The following CACNA2D1 variants were observed in gnomAD, a reference collection of about 807,000 sequenced individuals.
The protein encoded by CACNA2D1 is calcium voltage-gated channel auxiliary subunit alpha2delta 1.
CACNA2D1 carries 53 observed loss-of-function variants against 171.5 expected under a neutral mutation model. The observed-to-expected ratio is 0.31, with a 90% CI of 0.25 to 0.39. The LOEUF (loss-of-function observed/expected upper bound fraction) is 0.39. Among genes scored for constraint, CACNA2D1 ranks in the 10% least tolerant of loss-of-function variants. The pLI, the probability that CACNA2D1 is intolerant of heterozygous loss-of-function variation, is 1.00. For missense variants in CACNA2D1, 903 were observed against 1,299.8 expected, an observed-to-expected ratio of 0.69 and a Z score of 4.69; for synonymous variants, 442 against 443.1, an observed-to-expected ratio of 1.00 and a Z score of 0.03.
intron 1 of CACNA2D1, among the ~76,000 whole-genome samples, chr7:82,389,738 C>A (rs912318405): frequency 3.3e-5 from 5 of 152,084 alleles, no homozygotes; most frequent in African/African-American, 2.4e-5. Context: ...TATTTAATTT[C>A]CTGGGTTATG....
chr7:81,977,432 C>T (rs1426814634), intron 24 of CACNA2D1, among the ~76,000 whole-genome samples: 10 of 151,896 alleles, frequency 6.6e-5, no homozygotes, highest in African/African-American at 1.9e-4. Context: ...TCAGAAATAA[C>T]GCCACACATC....
At chr7:81,967,788 CATT>C (rs2130376757) in intron 29 of CACNA2D1, 125 bp from the exon 30 acceptor site, 2 of 594,918 alleles carry the variant, frequency 3.4e-6, no homozygotes, top group South Asian at 4.2e-5. Flanking sequence ...GTTTTGTGTT[CATT>C]AAGAAATAAT....
At chr7:82,093,384 T>C (rs1044940036) in intron 6 of CACNA2D1, among the ~76,000 whole-genome samples, 3 of 152,192 alleles carry the variant, frequency 2.0e-5, no homozygotes, top group African/African-American at 7.2e-5. Flanking sequence ...ATTTAAAATA[T>C]ATTTTTAATT....
chr7:82,054,686 GA>G (rs1445169364), intron 10 of CACNA2D1, among the ~76,000 whole-genome samples: 1 of 152,120 alleles, frequency 6.6e-6, no homozygotes, highest in Admixed American at 6.5e-5. Context: ...CAGACCTTCA[GA>G]ATGGGATTCC....
chr7:82,047,498 T>C (rs1804686492), intron 10 of CACNA2D1, among the ~76,000 whole-genome samples: 1 of 152,158 alleles, frequency 6.6e-6, no homozygotes, highest in South Asian at 2.1e-4. Context: ...AGAGCAGAGA[T>C]ACTACAATAC....
chr7:82,012,329 A>G, intron 14 of CACNA2D1, 86 bp from the exon 15 acceptor site: 1 of 756,464 alleles, frequency 1.3e-6, no homozygotes, highest in Non-Finnish European at 2.3e-6. Flanking sequence ...AATATTCTAG[A>G]GTTAAAAATG....
chr7:82,291,554 T>A (rs1332659669), intron 3 of CACNA2D1, among the ~76,000 whole-genome samples: 2 of 140,068 alleles, frequency 1.4e-5, no homozygotes, highest in Admixed American at 7.5e-5. Context: ...TAGATATATA[T>A]AAATATATAT....
chr7:82,346,759 C>T (rs1485932377), intron 2 of CACNA2D1, among the ~76,000 whole-genome samples: 1 of 151,846 alleles, frequency 6.6e-6, no homozygotes, highest in Non-Finnish European at 1.5e-5. Flanking sequence ...GCTTTGGCTT[C>T]TTCTAATTTA....
At chr7:82,038,444 G>A (rs557380627) in intron 10 of CACNA2D1, among the ~76,000 whole-genome samples, 17 of 152,270 alleles carry the variant, frequency 1.1e-4, no homozygotes, top group African/African-American at 4.1e-4. Context: ...TGAGTCTGCT[G>A]CTTATATTCC....
Position 82,170,712 on chromosome 7 carries a change from CAGA to C in CACNA2D1, c.295-106_295-104del, listed in dbSNP as rs529733358. On this transcript the variant is annotated intron_variant, in intron 3 of 38. Transcript: ENST00000356860. The stretch of plus-strand genomic sequence containing the variant: ...TAATCAATTTTGAGGACATAAAAAG[CAGA>C]AGATGATCCTTATTTATGATTCATA... The C allele has an allele frequency of 8.5e-4, 836 of 985,588 alleles. 3 individuals carry two copies. The Middle Eastern group carries it at 0.024, about 29-fold the overall frequency. The allele number at this position is 985,588 out of a possible 1,614,324, so 61.1% of individuals were successfully genotyped here. A position where few individuals can be genotyped will look rare whatever the true frequency, so the allele number is the denominator to read the frequency against.
At chr7:82,009,438 A>G (rs1799491842) in intron 15 of CACNA2D1, among the ~76,000 whole-genome samples, 1 of 151,476 alleles carries the variant, frequency 6.6e-6, no homozygotes, top group Admixed American at 6.6e-5. Context: ...TCCAATGAAA[A>G]CCTCCCACCT....
At chr7:81,983,378 AAAG>A (rs1796633895) in intron 22 of CACNA2D1, 44 bp from the exon 23 acceptor site, 1 of 1,510,130 alleles carries the variant, frequency 6.6e-7, no homozygotes, top group Non-Finnish European at 9.2e-7. Flanking sequence ...AACAAAAAAA[AAAG>A]AGGGTAAAGC....
chr7:82,008,588 C>T (rs1799387747), intron 15 of CACNA2D1, among the ~76,000 whole-genome samples: 1 of 152,098 alleles, frequency 6.6e-6, no homozygotes, highest in African/African-American at 2.4e-5. Flanking sequence ...CATGTCAAAA[C>T]TACATTTAAC....
intron 27 of CACNA2D1, 66 bp downstream of exon 27, chr7:81,970,608 TA>T: frequency 2.4e-6 from 2 of 843,492 alleles, no homozygotes; most frequent in South Asian, 2.6e-5. Context: ...CCTTAAGCAG[TA>T]ATGTACAAAT....
chr7:82,438,894 C>T (rs1830294599), intron 1 of CACNA2D1, among the ~76,000 whole-genome samples: 1 of 152,052 alleles, frequency 6.6e-6, no homozygotes, highest in African/African-American at 2.4e-5. Flanking sequence ...TAAAATGTTA[C>T]TTTTTTGAAA....
At chr7:82,218,704 G>A (rs1199981980) in intron 3 of CACNA2D1, among the ~76,000 whole-genome samples, 2 of 152,190 alleles carry the variant, frequency 1.3e-5, no homozygotes, top group South Asian at 2.1e-4. Context: ...CATAAGTTGT[G>A]TGTTGTGATA....
At chr7:82,411,895 T>TCTCTCACACA (rs1554548045) in intron 1 of CACNA2D1, among the ~76,000 whole-genome samples, 1 of 144,790 alleles carries the variant, frequency 6.9e-6, no homozygotes, top group African/African-American at 2.6e-5. Flanking sequence ...AAACTAAATC[T>TCTCTCACACA]CACACACACA....
Position 81,970,599 on chromosome 7 carries a change from C to G in CACNA2D1, c.2204+76G>C, listed in dbSNP as rs183715902. ...ATCAGTTTATTTGAAGAATGGCTTCCTTAAGCAGTAATGTACAAATCCTTG... is the reference window on the plus strand; with the variant it reads ...ATCAGTTTATTTGAAGAATGGCTTCGTTAAGCAGTAATGTACAAATCCTTG... On this transcript the variant is annotated intron_variant, in intron 27 of 38. Coordinates refer to ENST00000356860, the MANE Select transcript of CACNA2D1 (RefSeq NM_000722.4). 9 of 818,742 alleles carry G rather than the reference C, an allele frequency of 1.1e-5. No homozygotes were observed. In the East Asian group the frequency reaches 1.9e-4, roughly 18 times the overall value. The allele number at this position is 818,742 out of a possible 1,614,324, so 50.7% of individuals were successfully genotyped here. A position where few individuals can be genotyped will look rare whatever the true frequency, so the allele number is the denominator to read the frequency against.
At chr7:82,072,640 T>A (rs1469886326) in intron 7 of CACNA2D1, among the ~76,000 whole-genome samples, 3 of 151,140 alleles carry the variant, frequency 2.0e-5, no homozygotes, top group African/African-American at 7.3e-5. Flanking sequence ...TCCAGGTGAG[T>A]AAATATTAAT....
Sources: allele counts gnomAD v4.1 joint callset (sites outside exome capture counted in the v4.1 genomes callset), GRCh38; gene constraint gnomAD v4.1.1; transcripts MANE v1.5; gene names NCBI Gene and HGNC (gene_info 2026-07-23, HGNC 2026-07-21).